APOBEC3D: variants seen among roughly 807,000 people sequenced by gnomAD.
The protein encoded by APOBEC3D is apolipoprotein B mRNA editing enzyme catalytic subunit 3D, also known as DNA dC->dU-editing enzyme APOBEC-3D.
A neutral mutation model predicts 45.6 loss-of-function variants in APOBEC3D; 37 were observed. That is an observed-to-expected ratio of 0.81 (90% CI 0.62 to 1.07). APOBEC3D has a LOEUF of 1.07. Ranked by LOEUF, APOBEC3D falls within the 50% of genes least tolerant of loss-of-function variation. The pLI, the probability that APOBEC3D is intolerant of heterozygous loss-of-function variation, is 0.00. For synonymous variants in APOBEC3D, 175 were observed against 180.7 expected, an observed-to-expected ratio of 0.97 and a Z score of 0.25; for missense variants, 496 against 495.3, an observed-to-expected ratio of 1.00 and a Z score of -0.01.
chr22:39,024,179 T>C (rs1925404314), intron 2 of APOBEC3D, among the ~76,000 whole-genome samples: 1 of 152,248 alleles, frequency 6.6e-6, no homozygotes, highest in Non-Finnish European at 1.5e-5. Flanking sequence ...CTTCGCGAGA[T>C]AGTGAAGTTT....
rs1286196889 is a variant in APOBEC3D at position 39,025,605 on chromosome 22, T to G, written c.539T>G (p.Phe180Cys). The G allele has an allele frequency of 1.2e-6, 2 of 1,614,120 alleles. No individual in the cohort carries two copies. Among genetic ancestry groups the G allele is most frequent in the Admixed American group, 3.3e-5 (2 of 60,020 alleles). Residue 180 changes from phenylalanine (F) to cysteine (C), a missense_variant, in exon 4 of 7, where the codon TTC becomes TGC. Transcript: ENST00000216099. ...ENFVCNEGQP[F>C]MPWYKFDDNY... ...TTTGTGTGCAATGAAGGTCAGCCAT[T>G]CATGCCTTGGTACAAATTCGATGAC...
intron 2 of APOBEC3D, among the ~76,000 whole-genome samples, chr22:39,024,010 G>A (rs1340014512): frequency 6.6e-6 from 1 of 152,016 alleles, no homozygotes; most frequent in African/African-American, 2.4e-5. Flanking sequence ...GGCCTACAGC[G>A]GTGCTGGCCA....
chr22:39,024,523 C>T (rs1925436456), intron 2 of APOBEC3D, among the ~76,000 whole-genome samples: 1 of 152,172 alleles, frequency 6.6e-6, no homozygotes, highest in Non-Finnish European at 1.5e-5. Context: ...GAGACGGGGA[C>T]ATTTACAGTG....
At chr22:39,022,794 T>C in intron 1 of APOBEC3D, 28 bp from the exon 2 acceptor site, 4 of 1,595,902 alleles carry the variant, frequency 2.5e-6, no homozygotes, top group African/African-American at 2.7e-5. Context: ...GCTCCCTGCA[T>C]GGGCCGGTTT....
In APOBEC3D at chr22:39,025,613, T is replaced by C. The variant is rs1238442726; in HGVS notation, c.547T>C (p.Trp183Arg). The C allele has an allele frequency of 1.2e-6, 2 of 1,614,008 alleles. No individual in the cohort carries two copies. Among genetic ancestry groups the C allele is most frequent in the African/African-American group, 2.7e-5 (2 of 74,898 alleles). ...CAATGAAGGTCAGCCATTCATGCCT[T>C]GGTACAAATTCGATGACAATTATGC... ...VCNEGQPFMP[W>R]YKFDDNYASL... Residue 183 changes from tryptophan (W) to arginine (R), a missense_variant, in exon 4 of 7, where the codon TGG (tryptophan) becomes CGG (arginine). Coordinates refer to ENST00000216099, the MANE Select transcript of APOBEC3D (RefSeq NM_152426.4).
Position 39,025,264 on chromosome 22 carries a change from C to T in APOBEC3D, c.405C>T (p.Leu135=). ...NVTLTISAAR[L]YYYRDRDWRW... ...CCCTGACCATCTCTGCCGCCCGCCT[C>T]TACTACTACCGGGATAGAGATTGGC... is the stretch of plus-strand genomic sequence containing the variant. The change falls in exon 3 of 7, where the codon CTC becomes CTT. Residue 135 remains leucine, a synonymous_variant. Transcript: ENST00000216099. 6.2e-7 allele frequency: 1 copy of T among 1,614,126 alleles called. No homozygotes were observed. Among genetic ancestry groups the T allele is most frequent in the Non-Finnish European group, 8.5e-7 (1 of 1,180,016 alleles).
At chr22:39,031,591 G>A (rs1430000414) in intron 5 of APOBEC3D, 103 bp from the exon 6 acceptor site, 3 of 1,481,020 alleles carry the variant, frequency 2.0e-6, no homozygotes, top group Admixed American at 4.0e-5. Context: ...ATAAGAAAAT[G>A]CCCTGGGGCT....
chr22:39,021,547 C>T lies in APOBEC3D; in HGVS notation c.17+11C>T. 1 of 1,613,402 alleles carries T rather than the reference C, an allele frequency of 6.2e-7. No homozygotes were observed. The highest frequency in any genetic ancestry group is 8.5e-7 in the Non-Finnish European group (1 of 1,180,024). On this transcript the variant is annotated intron_variant, in intron 1 of 6. Coordinates refer to ENST00000216099, the MANE Select transcript of APOBEC3D (RefSeq NM_152426.4). ...GAATCCACAGATCAGGTACCGCTGC[C>T]CACTATGTCCGCAGGGCCCCTCCGG... is the stretch of plus-strand genomic sequence containing the variant.
At chr22:39,032,092 G>T in intron 6 of APOBEC3D, 106 bp from the exon 7 acceptor site, 4 of 1,581,334 alleles carry the variant, frequency 2.5e-6, no homozygotes, top group African/African-American at 1.3e-5. Context: ...TGGGGCCGGC[G>T]CCAGCTGCAA....
Position 39,032,560 on chromosome 22 carries a change from C to A in APOBEC3D, c.*244C>A. ...CCCAGCCTGGGTGCCCCTAACTTGA[C>A]TCTTCCCATCTCCCCAGCATAACCA... On this transcript the variant is annotated 3_prime_UTR_variant, in exon 7 of 7. Transcript: ENST00000216099. The A allele has an allele frequency of 8.2e-7, 1 of 1,226,982 alleles. No homozygotes were observed. 76.0% of individuals were successfully genotyped at this position (1,226,982 alleles called of 1,614,324 possible). A position where few individuals can be genotyped will look rare whatever the true frequency, so the allele number is the denominator to read the frequency against.
intron 2 of APOBEC3D, 73 bp from the exon 3 acceptor site, chr22:39,024,997 C>A: frequency 3.2e-6 from 2 of 630,822 alleles, no homozygotes; most frequent in Non-Finnish European, 5.3e-6. Context: ...CTGGCCCCTC[C>A]TCCCCCTGCC....
Position 39,032,609 on chromosome 22 carries a change from T to TG in APOBEC3D, c.*293_*294insG. ...CAAATCTTTTTTTTTTTTTTTTTTT[T>TG]TTGAGACGGAGTTTCACTCTGTCGC... is the stretch of plus-strand genomic sequence containing the variant. On this transcript the variant is annotated 3_prime_UTR_variant, in exon 7 of 7. Coordinates refer to ENST00000216099, the MANE Select transcript of APOBEC3D (RefSeq NM_152426.4). The TG allele has an allele frequency of 1.5e-6, 1 of 661,942 alleles. No homozygotes were observed. The highest frequency in any genetic ancestry group is 1.9e-6 in the Non-Finnish European group (1 of 532,360). 41.0% of individuals were successfully genotyped at this position (661,942 alleles called of 1,614,324 possible).
At chr22:39,023,133 T>TTTATTTATTTATTTATTTATTTATTTC in intron 2 of APOBEC3D, 119 bp downstream of exon 2, 1 of 365,856 alleles carries the variant, frequency 2.7e-6, no homozygotes, top group Non-Finnish European at 3.5e-6. Flanking sequence ...TTATTTATTT[T>TTTATTTATTTATTTATTTATTTATTTC]GAGACAGAGT....
At chr22:39,022,718 G>A (rs151014004) in intron 1 of APOBEC3D, 104 bp from the exon 2 acceptor site, 13 of 1,380,966 alleles carry the variant, frequency 9.4e-6, no homozygotes, top group Middle Eastern at 2.7e-4. Context: ...GTGGAGGGGT[G>A]GGGGAGGCCC....
chr22:39,025,514 G>C, intron 3 of APOBEC3D, 43 bp from the exon 4 acceptor site: 4 of 1,614,104 alleles, frequency 2.5e-6, no homozygotes, highest in Non-Finnish European at 3.4e-6. Context: ...GGCAGGCCCA[G>C]GGTCAGGGGA....
chr22:39,022,735 G>C, intron 1 of APOBEC3D, 87 bp from the exon 2 acceptor site: 1 of 1,492,598 alleles, frequency 6.7e-7, no homozygotes, highest in Non-Finnish European at 8.9e-7. Context: ...GCCCAGGGCC[G>C]TCCCGGGAGC....
chr22:39,031,623 A>G (rs1890884395), intron 5 of APOBEC3D, 71 bp from the exon 6 acceptor site: 4 of 1,582,190 alleles, frequency 2.5e-6, no homozygotes, highest in Non-Finnish European at 1.7e-6. Flanking sequence ...CTCTTCTCCC[A>G]TCGCCCCACC....
intron 1 of APOBEC3D, among the ~76,000 whole-genome samples, chr22:39,021,915 T>G (rs1925151850): frequency 6.6e-6 from 1 of 152,228 alleles, no homozygotes. Context: ...TTGTTCTCAG[T>G]GCTTTGATGA....
rs905790128 is a variant in APOBEC3D, at chr22:39,029,476, A to G, written c.719A>G (p.His240Arg). ...WLCFTMEVTKHHSAVFRKRGV... is the reference protein window; with the variant it reads ...WLCFTMEVTKRHSAVFRKRGV... The stretch of plus-strand genomic sequence containing the variant: ...TGCTTCACCATGGAAGTTACAAAGC[A>G]CCACTCAGCTGTCTTCCGGAAGAGG... The change falls in exon 5 of 7, where the codon CAC becomes CGC. Residue 240 changes from histidine to arginine, a missense_variant. His to Arg is a conservative substitution (Grantham distance 29, BLOSUM62 0). Transcript: ENST00000216099. 26 of 1,613,994 alleles carry G rather than the reference A, an allele frequency of 1.6e-5. No homozygotes were observed. Among genetic ancestry groups the G allele is most frequent in the Non-Finnish European group, 2.1e-5 (25 of 1,180,024 alleles).
Sources: gnomAD v4.1 joint callset for allele counts (sites outside exome capture counted in the v4.1 genomes callset) on GRCh38, gnomAD v4.1.1 for gene constraint, MANE v1.5 for transcripts, NCBI Gene and HGNC (gene_info 2026-07-23, HGNC 2026-07-21) for gene names.